The following MARCO variants were observed in gnomAD, a reference collection of about 807,000 sequenced individuals.
MARCO encodes macrophage receptor with collagenous structure.
In MARCO, 72 loss-of-function variants were observed where a neutral mutation model predicts 70.0. The ratio of observed to expected loss-of-function variants is 1.03; its 90% CI spans 0.85 to 1.25. The LOEUF is 1.25. MARCO is among the 50% of genes most tolerant of loss of function. The pLI is 0.00. For synonymous variants in MARCO, 273 were observed against 243.1 expected (o/e 1.12, Z -1.14); for missense variants, 696 against 659.3 (o/e 1.06, Z -0.61).
chr2:118,981,572 G>GTTT, intron 9 of MARCO, 49 bp from the exon 10 acceptor site: 1 of 1,571,430 alleles, frequency 6.4e-7, no homozygotes, highest in Non-Finnish European at 8.6e-7. Flanking sequence ...TTTTCTGGCT[G>GTTT]GCTGAGCCAA....
At chr2:118,950,474 A>T (rs564717657) in intron 1 of MARCO, among the ~76,000 whole-genome samples, 92 of 152,286 alleles carry the variant, frequency 6.0e-4, no homozygotes, top group African/African-American at 2.1e-3. Context: ...TTAACCTTTT[A>T]ATGTAGGTAG....
In MARCO at chr2:118,974,392, C is replaced by G; in HGVS notation, c.520C>G (p.Pro174Ala). 8 of 1,612,500 alleles carry G rather than the reference C, an allele frequency of 5.0e-6. No homozygotes were observed. Among genetic ancestry groups the G allele is most frequent in the Non-Finnish European group, 6.8e-6 (8 of 1,179,462 alleles). The change falls in exon 5 of 17, where the codon CCT (proline) becomes GCT (alanine). Residue 174 changes from proline (P) to alanine (A), a missense_variant. Physicochemically the swap from Pro to Ala is conservative, Grantham distance 27. Transcript: ENST00000327097. Reference sequence around the variant, plus strand: ...TGGTGCCCCTGGCCCGCCGGGACCACCTGCTGAGAAGGGAGCCAAGGGGGC... The same window carrying G: ...TGGTGCCCCTGGCCCGCCGGGACCAGCTGCTGAGAAGGGAGCCAAGGGGGC... The part of the protein sequence containing the change: ...MPGAPGPPGP[P>A]AEKGAKGAMG...
intron 6 of MARCO, among the ~76,000 whole-genome samples, chr2:118,975,594 A>G (rs1450604374): frequency 6.6e-6 from 1 of 152,174 alleles, no homozygotes; most frequent in Non-Finnish European, 1.5e-5. Context: ...AGAAGAAGGA[A>G]GGTTTATGGT....
chr2:118,963,408 T>C (rs1476854729), intron 1 of MARCO, among the ~76,000 whole-genome samples: 46 of 152,142 alleles, frequency 3.0e-4, no homozygotes, highest in Non-Finnish European at 2.2e-4. Context: ...CTGTTGCCTA[T>C]CCATTGTTGA....
chr2:118,979,410 C>T (rs1169903026), intron 8 of MARCO, among the ~76,000 whole-genome samples: 1 of 152,146 alleles, frequency 6.6e-6, no homozygotes, highest in Non-Finnish European at 1.5e-5. Flanking sequence ...CTAGGCTGGT[C>T]TGATGAGGGA....
chr2:118,948,045 G>A (rs1430513640), intron 1 of MARCO, among the ~76,000 whole-genome samples: 1 of 152,112 alleles, frequency 6.6e-6, no homozygotes, highest in Non-Finnish European at 1.5e-5. Context: ...TCCTGTACAT[G>A]TTTTATTAGA....
At chr2:118,953,994 G>A (rs1310886465) in intron 1 of MARCO, among the ~76,000 whole-genome samples, 1 of 152,178 alleles carries the variant, frequency 6.6e-6, no homozygotes, top group African/African-American at 2.4e-5. Context: ...AGGAGCAGGG[G>A]CAAAACTCCA....
chr2:118,959,066 C>A (rs1679890497), intron 1 of MARCO, among the ~76,000 whole-genome samples: 2 of 152,162 alleles, frequency 1.3e-5, no homozygotes, highest in Non-Finnish European at 2.9e-5. Flanking sequence ...CCCTTCTAGA[C>A]ATTGGCTTAA....
intron 15 of MARCO, 83 bp downstream of exon 15, chr2:118,992,559 C>A: frequency 1.7e-6 from 2 of 1,203,316 alleles, no homozygotes; most frequent in Non-Finnish European, 2.4e-6. Context: ...GGGAAGAGAC[C>A]TTGGTTCTCA....
intron 1 of MARCO, among the ~76,000 whole-genome samples, chr2:118,957,319 A>G (rs1679855919): frequency 6.6e-6 from 1 of 152,144 alleles, no homozygotes. Context: ...AACTGACACC[A>G]TTGAAATACA....
At chr2:118,972,992 T>A (rs117998515) in intron 4 of MARCO, among the ~76,000 whole-genome samples, 1 of 152,078 alleles carries the variant, frequency 6.6e-6, no homozygotes, top group East Asian at 1.9e-4. Flanking sequence ...AGAGGAAAAC[T>A]CCAACTCTCT....
chr2:118,950,733 G>A (rs1329373721), intron 1 of MARCO, among the ~76,000 whole-genome samples: 1 of 152,034 alleles, frequency 6.6e-6, no homozygotes, highest in African/African-American at 2.4e-5. Flanking sequence ...TAAACAACCA[G>A]TTAATTTATT....
chr2:118,969,928 C>A (rs1268723643), intron 2 of MARCO, among the ~76,000 whole-genome samples, 186 bp from the exon 3 acceptor site: 1 of 152,154 alleles, frequency 6.6e-6, no homozygotes, highest in Non-Finnish European at 1.5e-5. Flanking sequence ...AATATCATGC[C>A]TGAGTGTGGA....
chr2:118,986,689 G>GAAAGA (rs1680510262), intron 12 of MARCO, among the ~76,000 whole-genome samples: 1 of 51,546 alleles, frequency 1.9e-5, no homozygotes, highest in South Asian at 6.2e-4. Context: ...AAGAAAGAAA[G>GAAAGA]AAAGAAAGAA....
At chr2:118,994,311 A>C in intron 16 of MARCO, 76 bp from the exon 17 acceptor site, 1 of 1,546,520 alleles carries the variant, frequency 6.5e-7, no homozygotes, top group Non-Finnish European at 8.9e-7. Flanking sequence ...GGAAGCTCCC[A>C]GGCGCACACG....
intron 1 of MARCO, among the ~76,000 whole-genome samples, chr2:118,954,621 T>C (rs994794280): frequency 1.3e-5 from 2 of 152,116 alleles, no homozygotes; most frequent in African/African-American, 4.8e-5. Flanking sequence ...AGCACAAAAA[T>C]AGAGCATTAA....
chr2:118,948,304 T>C (rs1428103825), intron 1 of MARCO, among the ~76,000 whole-genome samples: 9 of 152,234 alleles, frequency 5.9e-5, no homozygotes, highest in Admixed American at 2.0e-4. Flanking sequence ...CCTGCATCTA[T>C]TGGCTGGAGC....
At chr2:118,969,973 C>G in intron 2 of MARCO, 141 bp from the exon 3 acceptor site, 1 of 701,794 alleles carries the variant, frequency 1.4e-6, no homozygotes, top group East Asian at 2.6e-5. Flanking sequence ...AGGCCGTGTG[C>G]TCACGCTAGG....
At chr2:118,974,604 A>G in intron 6 of MARCO, 39 bp downstream of exon 6, 1 of 1,596,662 alleles carries the variant, frequency 6.3e-7, no homozygotes, top group Non-Finnish European at 8.5e-7. Flanking sequence ...AATACACAGC[A>G]AGTTTCTCAG....
Sources: gnomAD v4.1 joint callset for allele counts (sites outside exome capture counted in the v4.1 genomes callset) on GRCh38, gnomAD v4.1.1 for gene constraint, MANE v1.5 for transcripts, NCBI Gene and HGNC (gene_info 2026-07-23, HGNC 2026-07-21) for gene names.